The following SMOC2 variants were observed in gnomAD, a reference collection of about 807,000 sequenced individuals.
SMOC2 encodes the protein SPARC related modular calcium binding 2.
Under a neutral mutation model 61.4 loss-of-function variants are expected in SMOC2, and 39 were observed. That is an observed-to-expected ratio of 0.64 (90% CI 0.49 to 0.83). The LOEUF is 0.83. Among genes scored for constraint, SMOC2 ranks in the 40% least tolerant of loss-of-function variants. The probability of loss-of-function intolerance (pLI) is 0.00; values close to 1 mark genes in which losing one functional copy is unlikely to be tolerated. For missense variants in SMOC2, 556 were observed against 592.9 expected (o/e 0.94, Z 0.65); for synonymous variants, 247 against 239.9 (o/e 1.03, Z -0.27).
chr6:168,582,767 C>T (rs1015392490), intron 7 of SMOC2, among the ~76,000 whole-genome samples: 5 of 152,168 alleles, frequency 3.3e-5, no homozygotes, highest in African/African-American at 1.2e-4. Flanking sequence ...TCCGACCTGC[C>T]GGGAACTCAG....
chr6:168,442,814 G>A (rs1486241801), intron 1 of SMOC2, among the ~76,000 whole-genome samples: 1 of 152,254 alleles, frequency 6.6e-6, no homozygotes, highest in South Asian at 2.1e-4. Context: ...GCAGCAGCCC[G>A]GGGTCCCTGC....
chr6:168,590,577 C>T (rs1308711963), intron 7 of SMOC2, among the ~76,000 whole-genome samples: 5 of 147,322 alleles, frequency 3.4e-5, no homozygotes, highest in African/African-American at 1.2e-4. Flanking sequence ...TGCAAAGCCC[C>T]TAAGCGTGTG....
intron 12 of SMOC2, 107 bp downstream of exon 12, chr6:168,664,218 C>A: frequency 2.3e-6 from 2 of 852,224 alleles, no homozygotes; most frequent in South Asian, 1.4e-5. Context: ...CAAGAAAATC[C>A]AAGAAAATAA....
chr6:168,628,565 T>C lies in SMOC2; in HGVS notation c.907+20326T>C, dbSNP rs145761447. Among the ~76,000 whole-genome samples the C allele has an allele frequency of 3.2e-4, 48 of 152,308 alleles. 1 individual carries two copies. In the East Asian group the frequency reaches 6.2e-3, roughly 20 times the overall value. ...TGTAATTTGGAGAAATAGTCTAAAT[T>C]GGAAAATGCAAAACTCGCAGCATGT... On this transcript the variant is annotated intron_variant, in intron 9 of 12. Transcript: ENST00000356284.
At chr6:168,444,799 C>T (rs986457182) in intron 1 of SMOC2, among the ~76,000 whole-genome samples, 1 of 152,150 alleles carries the variant, frequency 6.6e-6, no homozygotes, top group Admixed American at 6.5e-5. Context: ...TCAACTTTAT[C>T]ATGGTTGTCA....
chr6:168,606,404 G>A lies in SMOC2; in HGVS notation c.825-1753G>A, dbSNP rs1440400537. On this transcript the variant is annotated intron_variant, in intron 8 of 12. Transcript: ENST00000356284. ...AGATATATTAAGTTTGTCTGACTGG[G>A]GTGGCAGGTTTTCTGGTATCAAAGA... 5.3e-5 allele frequency among the ~76,000 whole-genome samples: 8 copies of A among 152,178 alleles called. 1 individual carries two copies. The highest frequency in any genetic ancestry group is 5.2e-4 in the Admixed American group (8 of 15,272).
rs1038892889 is a variant in SMOC2, at chr6:168,566,681, G to T, written c.637+17478G>T. On this transcript the variant is annotated intron_variant, in intron 7 of 12. Transcript: ENST00000356284. ...TATTTTTAGTAGCATTTAGTGGAGA[G>T]TAGAGTATTTTGTATTTTTGTGTTT... is the stretch of plus-strand genomic sequence containing the variant. Among the ~76,000 whole-genome samples, 3 of 151,792 alleles carry T rather than the reference G, an allele frequency of 2.0e-5. No individual in the cohort carries two copies. The East Asian group carries it at 5.8e-4, about 29-fold the overall frequency.
intron 7 of SMOC2, among the ~76,000 whole-genome samples, chr6:168,587,579 AGAG>A (rs1393100122): frequency 6.6e-6 from 1 of 152,188 alleles, no homozygotes. Flanking sequence ...CGTACATCTG[AGAG>A]GAGGATAGAG....
Position 168,652,975 on chromosome 6 carries a change from C to G in SMOC2, c.1032C>G (p.Ser344Arg), listed in dbSNP as rs754094439. 15 of 1,613,626 alleles carry G rather than the reference C, an allele frequency of 9.3e-6. No homozygotes were observed. The African/African-American group carries it at 1.9e-4, about 20-fold the overall frequency. The change falls in exon 11 of 13, where the codon AGC (serine) becomes AGG (arginine). Residue 344 changes from serine (S) to arginine (R), a missense_variant. Coordinates refer to ENST00000356284, the MANE Select transcript of SMOC2 (RefSeq NM_001166412.2). ...CCAGGCTCTCAGAACCCGACCCCAG[C>G]CATACCCTAGAGGAGCGGGTGGTGC... ...SSGRLSEPDPSHTLEERVVHW... is the reference protein window; with the variant it reads ...SSGRLSEPDPRHTLEERVVHW...
chr6:168,520,546 C>A (rs1783305108), intron 2 of SMOC2, among the ~76,000 whole-genome samples: 1 of 152,242 alleles, frequency 6.6e-6, no homozygotes, highest in Non-Finnish European at 1.5e-5. Flanking sequence ...CATAGCCATT[C>A]AGTGACCTCG....
intron 7 of SMOC2, among the ~76,000 whole-genome samples, chr6:168,598,249 G>A (rs983186482): frequency 6.6e-6 from 1 of 152,252 alleles, no homozygotes; most frequent in African/African-American, 2.4e-5. Context: ...GGAGACCCCA[G>A]GTGAGAAAGT....
chr6:168,501,856 C>T (rs986124356), intron 1 of SMOC2, among the ~76,000 whole-genome samples: 2 of 152,200 alleles, frequency 1.3e-5, no homozygotes, highest in African/African-American at 4.8e-5. Context: ...GGCGTTTGGT[C>T]CTGAGAGGGG....
chr6:168,485,727 G>C (rs1241285490), intron 1 of SMOC2, among the ~76,000 whole-genome samples: 1 of 152,016 alleles, frequency 6.6e-6, no homozygotes, highest in Non-Finnish European at 1.5e-5. Context: ...GGGAGATGAT[G>C]AAAAAAATTT....
chr6:168,556,319 A>G (rs545178794), intron 7 of SMOC2, among the ~76,000 whole-genome samples: 152 of 152,256 alleles, frequency 1.0e-3, no homozygotes, highest in African/African-American at 3.4e-3. Context: ...CTTGTTGCCC[A>G]CATGGGGTGC....
chr6:168,459,316 G>A lies in SMOC2; in HGVS notation c.84+17862G>A, dbSNP rs546174260. ...GTGTGTTTTGATGAAGGTCACAGAC[G>A]CGCCTGGGTCCCTGGTGGGGAATCT... On this transcript the variant is annotated intron_variant, in intron 1 of 12. Coordinates refer to ENST00000356284, the MANE Select transcript of SMOC2 (RefSeq NM_001166412.2). Among the ~76,000 whole-genome samples, 24 of 152,308 alleles carry A rather than the reference G, an allele frequency of 1.6e-4. No homozygotes were observed. In the South Asian group the frequency reaches 2.1e-3, roughly 13 times the overall value.
Position 168,598,677 on chromosome 6 carries a change from C to T in SMOC2, c.638-141C>T. 3 of 907,408 alleles carry T rather than the reference C, an allele frequency of 3.3e-6. No homozygotes were observed. The Admixed American group carries it at 6.2e-5, about 19-fold the overall frequency. The allele number at this position is 907,408 out of a possible 1,614,324, so 56.2% of individuals were successfully genotyped here. ...GAGGTTCTGCCTCTCCTGCTGTGCC[C>T]CCCACGCTGGCAGGCCCTCCTGCTC... On this transcript the variant is annotated intron_variant, in intron 7 of 12. Transcript: ENST00000356284.
intron 1 of SMOC2, among the ~76,000 whole-genome samples, chr6:168,491,809 G>A (rs1043768624): frequency 1.3e-5 from 2 of 151,994 alleles, no homozygotes; most frequent in Admixed American, 6.6e-5. Flanking sequence ...AAAATTAAGC[G>A]GGAACCTTAA....
At chr6:168,485,827 G>A (rs1216695135) in intron 1 of SMOC2, among the ~76,000 whole-genome samples, 1 of 152,044 alleles carries the variant, frequency 6.6e-6, no homozygotes, top group Admixed American at 6.6e-5. Context: ...TGTGTGATAG[G>A]GGAATTGTAT....
intron 5 of SMOC2, among the ~76,000 whole-genome samples, chr6:168,546,667 T>C (rs1349188451): frequency 6.6e-6 from 1 of 152,156 alleles, no homozygotes; most frequent in Admixed American, 6.5e-5. Context: ...TGCCTTTCTC[T>C]TGGGGAAAAC....
Sources: allele counts gnomAD v4.1 joint callset (sites outside exome capture counted in the v4.1 genomes callset), GRCh38; gene constraint gnomAD v4.1.1; transcripts MANE v1.5; gene names NCBI Gene and HGNC (gene_info 2026-07-23, HGNC 2026-07-21).